NF1: variants seen among roughly 807,000 people sequenced by gnomAD.
The protein encoded by NF1 is neurofibromin 1, also known as neurofibromin.
Under a neutral mutation model 325.7 loss-of-function variants are expected in NF1, and 122 were observed. The observed-to-expected ratio is 0.37, with a 90% CI of 0.32 to 0.44. The LOEUF (loss-of-function observed/expected upper bound fraction) is 0.44, where lower values mean the gene tolerates loss of function less well. Ranked by LOEUF, NF1 falls within the 20% of genes least tolerant of loss-of-function variation. NF1 has a pLI of 1.00. For missense variants in NF1, 2,140 were observed against 3,415.4 expected, an observed-to-expected ratio of 0.63 and a Z score of 9.31; for synonymous variants, 1,091 against 1,186.0, an observed-to-expected ratio of 0.92 and a Z score of 1.65.
At chr17:31,154,213 G>A (rs1259555650) in intron 1 of NF1, among the ~76,000 whole-genome samples, 1 of 151,618 alleles carries the variant, frequency 6.6e-6, no homozygotes, top group Non-Finnish European at 1.5e-5. Context: ...GTGCCACCAC[G>A]CTCGGCTAAC....
chr17:31,106,011 G>A (rs142660622), intron 1 of NF1, among the ~76,000 whole-genome samples: 1 of 152,314 alleles, frequency 6.6e-6, no homozygotes, highest in African/African-American at 2.4e-5. Flanking sequence ...CTTTTGGGAA[G>A]TTATGTCTCT....
rs1185268163 is a variant in NF1 at position 31,163,185 on chromosome 17, G to A, written c.289-1G>A. 6.2e-7 allele frequency: 1 copy of A among 1,613,694 alleles called. No homozygotes were observed. The highest frequency in any genetic ancestry group is 8.5e-7 in the Non-Finnish European group (1 of 1,179,844). On this transcript the variant is annotated splice_acceptor_variant, in intron 3 of 57. Coordinates refer to ENST00000358273, the MANE Select transcript of NF1 (RefSeq NM_001042492.3). LOFTEE classifies it high-confidence loss of function. ...GAATAATGTGATTATTTCTATTTTA[G>A]CAACCAAAGGACACAATGAGATTAG...
intron 35 of NF1, 145 bp from the exon 36 acceptor site, chr17:31,265,084 T>C (rs1352199655): frequency 5.0e-6 from 3 of 595,560 alleles, no homozygotes; most frequent in African/African-American, 3.8e-5. Flanking sequence ...TTTTGGTGCA[T>C]GTTGCCAAAT....
chr17:31,318,544 AC>A, intron 36 of NF1: 2 of 1,614,144 alleles, frequency 1.2e-6, no homozygotes, highest in Non-Finnish European at 1.7e-6. Flanking sequence ...TGCCAAAACC[AC>A]AGTTGATAGA....
intron 36 of NF1, among the ~76,000 whole-genome samples, chr17:31,290,513 A>G (rs2068324751): frequency 1.3e-5 from 2 of 152,150 alleles, no homozygotes; most frequent in Admixed American, 6.6e-5. Flanking sequence ...TCTCACAACA[A>G]CCCTGTAAGG....
intron 1 of NF1, among the ~76,000 whole-genome samples, chr17:31,099,861 A>T (rs1764319809): frequency 6.6e-6 from 1 of 152,056 alleles, no homozygotes; most frequent in South Asian, 2.1e-4. Context: ...ACGCCCGGCC[A>T]TGTGTAGCTT....
At chr17:31,337,771 C>T (rs2069714579) in intron 43 of NF1, 48 bp from the exon 44 acceptor site, 2 of 1,579,080 alleles carry the variant, frequency 1.3e-6, no homozygotes, top group African/African-American at 2.7e-5. Context: ...TTAAACAGTT[C>T]TAAAAACATT....
intron 31 of NF1, 97 bp downstream of exon 31, chr17:31,253,097 C>T (rs2067522961): frequency 1.1e-6 from 1 of 929,866 alleles, no homozygotes; most frequent in Admixed American, 2.0e-5. Flanking sequence ...CCTATTTGAC[C>T]TTCACTGTAA....
chr17:31,126,949 C>T (rs867609634), intron 1 of NF1, among the ~76,000 whole-genome samples: 1 of 152,126 alleles, frequency 6.6e-6, no homozygotes, highest in Non-Finnish European at 1.5e-5. Context: ...ACATTGAAGT[C>T]TCTAATCCAC....
intron 8 of NF1, among the ~76,000 whole-genome samples, chr17:31,197,747 T>C (rs2066459461): frequency 6.6e-6 from 1 of 152,194 alleles, no homozygotes; most frequent in Non-Finnish European, 1.5e-5. Flanking sequence ...CATCTGTGAA[T>C]AGACATAGTT....
intron 57 of NF1, among the ~76,000 whole-genome samples, chr17:31,371,095 C>G (rs570519021): frequency 1.3e-5 from 2 of 152,154 alleles, no homozygotes; most frequent in South Asian, 4.2e-4. Flanking sequence ...CTTTGGGGCT[C>G]TGAATTACAG....
chr17:31,194,140 T>G (rs1440642208), intron 8 of NF1, among the ~76,000 whole-genome samples: 1 of 152,194 alleles, frequency 6.6e-6, no homozygotes, highest in East Asian at 1.9e-4. Flanking sequence ...TCATCCTAAG[T>G]ATCTAACAAC....
Position 31,226,318 on chromosome 17 carries a change from G to GAC in NF1, c.2002-77_2002-76dup, listed in dbSNP as rs59547221. On this transcript the variant is annotated intron_variant, in intron 17 of 57. Transcript: ENST00000358273. ...GCTCTTGTGAGTTATTGTATGCGGA[G>GAC]ACACACACACACACACACACACACA... 0.29 allele frequency: 200,260 copies of GAC among 683,634 alleles called. 9,172 individuals are homozygous for GAC. The highest frequency in any genetic ancestry group is 0.35 in the Middle Eastern group (1,184 of 3,388). The allele number at this position is 683,634 out of a possible 1,614,324, so 42.3% of individuals were successfully genotyped here. A position where few individuals can be genotyped will look rare whatever the true frequency, so the allele number is the denominator to read the frequency against.
intron 1 of NF1, among the ~76,000 whole-genome samples, chr17:31,095,680 C>T (rs1245109793): frequency 2.6e-5 from 4 of 152,164 alleles, no homozygotes; most frequent in Non-Finnish European, 4.4e-5. Flanking sequence ...GATGAGTGAC[C>T]TGGGGGCGCC....
chr17:31,277,782 CTG>C (rs752921484), intron 36 of NF1, among the ~76,000 whole-genome samples: 4 of 152,340 alleles, frequency 2.6e-5, no homozygotes, highest in East Asian at 3.9e-4. Context: ...ACAACCTACT[CTG>C]TGTCTGCTTT....
intron 36 of NF1, among the ~76,000 whole-genome samples, chr17:31,282,718 T>C (rs1037027548): frequency 6.6e-6 from 1 of 152,240 alleles, no homozygotes; most frequent in African/African-American, 2.4e-5. Context: ...AATATTCTAT[T>C]GTATTCATAC....
At chr17:31,110,864 C>G (rs963566131) in intron 1 of NF1, among the ~76,000 whole-genome samples, 1 of 151,906 alleles carries the variant, frequency 6.6e-6, no homozygotes, top group African/African-American at 2.4e-5. Flanking sequence ...CTAGGACACT[C>G]CACCTCCCCC....
intron 8 of NF1, among the ~76,000 whole-genome samples, chr17:31,195,707 T>C (rs1236872071): frequency 5.8e-5 from 2 of 34,712 alleles, no homozygotes; most frequent in Non-Finnish European, 3.7e-4. Context: ...GATTTCATTC[T>C]TTTTTTTTTA....
At position 31,290,679 on chromosome 17, in the gene NF1, T is replaced by C. The variant is rs60704189; in HGVS notation, c.4835+25340T>C. Among the ~76,000 whole-genome samples, 1,195 of 152,304 alleles carry C rather than the reference T, an allele frequency of 7.8e-3. 20 individuals carry two copies. The highest frequency in any genetic ancestry group is 0.028 in the African/African-American group (1,144 of 41,568). ...TTTTTATGCCACTATCATTCTGTAATTATTATGGCTGATACATGTTTCTCT... is the reference window on the plus strand; with the variant it reads ...TTTTTATGCCACTATCATTCTGTAACTATTATGGCTGATACATGTTTCTCT... On this transcript the variant is annotated intron_variant, in intron 36 of 57. Transcript: ENST00000358273.
Sources: gnomAD v4.1 joint callset for allele counts (sites outside exome capture counted in the v4.1 genomes callset) on GRCh38, gnomAD v4.1.1 for gene constraint, MANE v1.5 for transcripts, NCBI Gene and HGNC (gene_info 2026-07-23, HGNC 2026-07-21) for gene names.